NUP58: variants seen among roughly 807,000 people sequenced by gnomAD.
NUP58 encodes the protein nucleoporin 58.
NUP58 carries 17 observed loss-of-function variants against 70.1 expected under a neutral mutation model. The ratio of observed to expected loss-of-function variants is 0.24; its 90% CI spans 0.17 to 0.36. The LOEUF (loss-of-function observed/expected upper bound fraction) is 0.36, where lower values mean the gene tolerates loss of function less well. NUP58 is among the 10% of genes least tolerant of loss of function. The pLI is 1.00. For synonymous variants in NUP58, 275 were observed against 257.6 expected, an observed-to-expected ratio of 1.07 and a Z score of -0.65; for missense variants, 644 against 701.5, an observed-to-expected ratio of 0.92 and a Z score of 0.93.
chr13:25,312,319 C>T (rs1180915859), intron 3 of NUP58, among the ~76,000 whole-genome samples: 1 of 152,084 alleles, frequency 6.6e-6, no homozygotes, highest in Non-Finnish European at 1.5e-5. Context: ...AGAGGTAAAT[C>T]TAGGAGTAGA....
chr13:25,328,997 G>A (rs2031507612), intron 12 of NUP58, among the ~76,000 whole-genome samples: 1 of 151,950 alleles, frequency 6.6e-6, no homozygotes, highest in Non-Finnish European at 1.5e-5. Context: ...TTTTGAAATG[G>A]TAGTGCACTT....
rs143658685 is a variant in NUP58 at position 25,310,374 on chromosome 13, C to T, written c.286+1092C>T. On this transcript the variant is annotated intron_variant, in intron 3 of 15. Coordinates refer to ENST00000381736, the MANE Select transcript of NUP58 (RefSeq NM_014089.4). ...TAGCTGGGATTACAGGCATGTGCCACCACGCCTGGCTAATTTTGTATTTTT... is the reference window on the plus strand; with the variant it reads ...TAGCTGGGATTACAGGCATGTGCCATCACGCCTGGCTAATTTTGTATTTTT... 3.1e-3 allele frequency among the ~76,000 whole-genome samples: 474 copies of T among 151,908 alleles called. 2 individuals carry two copies. The Middle Eastern group carries it at 0.048, about 15-fold the overall frequency.
Position 25,312,969 on chromosome 13 carries a change from C to T in NUP58, c.373C>T (p.Pro125Ser), listed in dbSNP as rs2030747252. Reference protein sequence around the residue: ...PAASATPFALPITSTSASGLT... With the variant: ...PAASATPFALSITSTSASGLT... ...AGCATCTGCCACACCATTTGCTCTA[C>T]CTATTACCTCTACCTCAGCTAGCGG... The change falls in exon 4 of 16, where the codon CCT (proline) becomes TCT (serine). Residue 125 changes from proline (P) to serine (S), a missense_variant. By Grantham distance (74) the Pro-to-Ser change is moderately conservative. Coordinates refer to ENST00000381736, the MANE Select transcript of NUP58 (RefSeq NM_014089.4). The T allele has an allele frequency of 3.1e-6, 5 of 1,614,216 alleles. No individual in the cohort carries two copies. Among genetic ancestry groups the T allele is most frequent in the Non-Finnish European group, 4.2e-6 (5 of 1,180,016 alleles).
intron 3 of NUP58, 68 bp from the exon 4 acceptor site, chr13:25,312,815 A>G (rs2030736043): frequency 1.4e-6 from 2 of 1,477,640 alleles, no homozygotes; most frequent in Admixed American, 2.0e-5. Context: ...TGAAACCAGT[A>G]TAATAGAACA....
intron 7 of NUP58, among the ~76,000 whole-genome samples, chr13:25,319,585 T>C (rs1025824905): frequency 6.6e-6 from 1 of 152,048 alleles, no homozygotes; most frequent in African/African-American, 2.4e-5. Context: ...GAAAGGTGTT[T>C]GGTATTTCTC....
rs148762402 is a variant in NUP58 at position 25,313,684 on chromosome 13, C to G, written c.507C>G (p.Leu169=). Residue 169 remains leucine (L), a synonymous_variant, in exon 5 of 16, where the codon CTC becomes CTG. Coordinates refer to ENST00000381736, the MANE Select transcript of NUP58 (RefSeq NM_014089.4). ...CAACTACAACTGCATCAACAGGCCT[C>G]TCTTTAGGGGGAGCCTTAGCTGGTT... The part of the protein sequence containing the change: ...TATTTTASTG[L]SLGGALAGLG... 1.2e-5 allele frequency: 19 copies of G among 1,531,918 alleles called. No homozygotes were observed. Among genetic ancestry groups the G allele is most frequent in the Non-Finnish European group, 4.3e-6 (5 of 1,152,626 alleles). The allele number at this position is 1,531,918 out of a possible 1,614,324, so 94.9% of individuals were successfully genotyped here.
exon 4 of NUP58, chr13:25,349,589 T>C (rs2032084070): frequency 6.6e-6 from 1 of 152,604 alleles, no homozygotes. Flanking sequence ...TTAACTGAAT[T>C]TCGAAAACCC....
chr13:25,333,720 A>G, intron 13 of NUP58: 28 of 985,350 alleles, frequency 2.8e-5, no homozygotes, highest in Non-Finnish European at 3.4e-5. Flanking sequence ...CTATTTATCA[A>G]ATGGTGTTTT....
chr13:25,318,267 G>A (rs1384309297), intron 6 of NUP58, among the ~76,000 whole-genome samples: 3 of 152,174 alleles, frequency 2.0e-5, no homozygotes, highest in Non-Finnish European at 2.9e-5. Context: ...AGCAGAGGTT[G>A]CAGTGAGCTG....
chr13:25,307,240 A>G lies in NUP58; in HGVS notation c.108-566A>G, dbSNP rs189114037. On this transcript the variant is annotated intron_variant, in intron 1 of 15. Coordinates refer to ENST00000381736, the MANE Select transcript of NUP58 (RefSeq NM_014089.4). ...TTTTTTTTTTTTTTTTTTGAGAGGG[A>G]GTCTCGCTCTGTCACTCAAACTGGA... Among the ~76,000 whole-genome samples, 67 of 74,296 alleles carry G rather than the reference A, an allele frequency of 9.0e-4. 1 individual carries two copies. The Admixed American group carries it at 0.01, about 12-fold the overall frequency. 48.7% of individuals were successfully genotyped at this position (74,296 alleles called of 152,430 possible). A position where few individuals can be genotyped will look rare whatever the true frequency, so the allele number is the denominator to read the frequency against.
At chr13:25,320,353 A>T in intron 7 of NUP58, 177 bp from the exon 8 acceptor site, 1 of 484,534 alleles carries the variant, frequency 2.1e-6, no homozygotes, top group South Asian at 3.4e-5. Flanking sequence ...TATTTTATAG[A>T]TCCTATTTAC....
chr13:25,304,856 A>G (rs1289722494), intron 1 of NUP58, among the ~76,000 whole-genome samples: 1 of 151,906 alleles, frequency 6.6e-6, no homozygotes, highest in Non-Finnish European at 1.5e-5. Flanking sequence ...TATCCCCCAA[A>G]TACTCATTTA....
rs1466161183 is a variant in NUP58, at chr13:25,341,062, C to T, written c.*928C>T. ...TTGTAGAATGATGAGCTTAGAGGTA[C>T]CAGGTCATTGCAGTTGTTTGCTTAA... On this transcript the variant is annotated 3_prime_UTR_variant, in exon 16 of 16. Transcript: ENST00000381736. 4 of 152,130 alleles carry T rather than the reference C, an allele frequency of 2.6e-5. No individual in the cohort carries two copies. Among genetic ancestry groups the T allele is most frequent in the Admixed American group, 1.3e-4 (2 of 15,266 alleles). The allele number at this position is 152,130 out of a possible 1,614,324, so 9.4% of individuals were successfully genotyped here.
chr13:25,307,990 A>C, intron 2 of NUP58, 42 bp downstream of exon 2: 1 of 1,605,166 alleles, frequency 6.2e-7, no homozygotes, highest in Non-Finnish European at 8.5e-7. Context: ...TAGGCTTGGG[A>C]TATTCTTTCC....
intron 13 of NUP58, chr13:25,335,836 T>TC: frequency 9.9e-7 from 1 of 1,010,078 alleles, no homozygotes; most frequent in Non-Finnish European, 1.2e-6. Context: ...CTTTGACAGT[T>TC]CCCTCATCTT....
At position 25,312,979 on chromosome 13, in the gene NUP58, C is replaced by G. The variant is rs754190656; in HGVS notation, c.383C>G (p.Ser128Cys). 2.6e-5 allele frequency: 42 copies of G among 1,614,080 alleles called. No homozygotes were observed. Among genetic ancestry groups the G allele is most frequent in the Non-Finnish European group, 2.8e-5 (33 of 1,180,028 alleles). ...ACACCATTTGCTCTACCTATTACCT[C>G]TACCTCAGCTAGCGGTCTGACTCTT... The part of the protein sequence containing the change: ...SATPFALPIT[S>C]TSASGLTLSS... Residue 128 changes from serine to cysteine, a missense_variant, in exon 4 of 16, where the codon TCT (serine) becomes TGT (cysteine). By Grantham distance (112) the Ser-to-Cys change is moderately radical. Coordinates refer to ENST00000381736, the MANE Select transcript of NUP58 (RefSeq NM_014089.4).
chr13:25,340,189 T>C lies in NUP58; in HGVS notation c.*55T>C. The C allele has an allele frequency of 7.2e-7, 1 of 1,392,006 alleles. No individual in the cohort carries two copies. The allele number at this position is 1,392,006 out of a possible 1,614,324, so 86.2% of individuals were successfully genotyped here. Reference sequence around the variant, plus strand: ...AGCAGCACCGTTCATTCTATGAGTCTATTTTTCTAATGATGCAGTAATTAA... The same window carrying C: ...AGCAGCACCGTTCATTCTATGAGTCCATTTTTCTAATGATGCAGTAATTAA... On this transcript the variant is annotated 3_prime_UTR_variant, in exon 16 of 16. Coordinates refer to ENST00000381736, the MANE Select transcript of NUP58 (RefSeq NM_014089.4).
At chr13:25,313,247 T>C (rs1049113179) in intron 4 of NUP58, among the ~76,000 whole-genome samples, 3 of 152,160 alleles carry the variant, frequency 2.0e-5, no homozygotes, top group African/African-American at 7.2e-5. Flanking sequence ...GCTGTTAATA[T>C]TGACTTTGTT....
intron 7 of NUP58, among the ~76,000 whole-genome samples, chr13:25,319,917 T>A (rs1456723720): frequency 6.6e-6 from 1 of 152,120 alleles, no homozygotes; most frequent in Non-Finnish European, 1.5e-5. Flanking sequence ...ATGAAGAAGA[T>A]TAGAGAAACT....
Sources: gnomAD v4.1 joint callset for allele counts (sites outside exome capture counted in the v4.1 genomes callset) on GRCh38, gnomAD v4.1.1 for gene constraint, MANE v1.5 for transcripts, NCBI Gene and HGNC (gene_info 2026-07-23, HGNC 2026-07-21) for gene names.